MARCHF10: variants seen among roughly 807,000 people sequenced by gnomAD.
MARCHF10 encodes membrane associated ring-CH-type finger 10.
In MARCHF10, 64 loss-of-function variants were observed where a neutral mutation model predicts 76.2. The ratio of observed to expected loss-of-function variants is 0.84; its 90% CI spans 0.69 to 1.03. MARCHF10 has a LOEUF of 1.03. Ranked by LOEUF, MARCHF10 falls within the 50% of genes least tolerant of loss-of-function variation. The probability of loss-of-function intolerance (pLI) is 0.00; values close to 1 mark genes in which losing one functional copy is unlikely to be tolerated. For synonymous variants in MARCHF10, 340 were observed against 357.5 expected (o/e 0.95, Z 0.55); for missense variants, 875 against 958.0 (o/e 0.91, Z 1.14).
intron 8 of MARCHF10, among the ~76,000 whole-genome samples, chr17:62,715,043 G>A (rs752981336): frequency 1.3e-5 from 2 of 152,158 alleles, no homozygotes; most frequent in Non-Finnish European, 2.9e-5. Context: ...CACCGCGCCT[G>A]GCCTCACTGC....
intron 5 of MARCHF10, among the ~76,000 whole-genome samples, chr17:62,741,858 C>A (rs2091519632): frequency 6.6e-6 from 1 of 151,708 alleles, no homozygotes; most frequent in African/African-American, 2.4e-5. Flanking sequence ...CCACGCCTGG[C>A]TAATTTTTTT....
intron 8 of MARCHF10, among the ~76,000 whole-genome samples, chr17:62,722,129 A>G (rs1180742604): frequency 6.6e-6 from 1 of 152,106 alleles, no homozygotes; most frequent in Non-Finnish European, 1.5e-5. Flanking sequence ...CTAAAAATAC[A>G]AAAATTAGGT....
chr17:62,746,906 C>G, intron 4 of MARCHF10: 1 of 1,536,110 alleles, frequency 6.5e-7, no homozygotes, highest in Non-Finnish European at 8.7e-7. Context: ...ACCTTTCTTC[C>G]CCAGACTGCA....
Position 62,807,700 on chromosome 17 carries a change from C to G in MARCHF10, c.-18+377G>C, listed in dbSNP as rs143945337. ...ATCGCTTGAGCCTGGGAGGTCGAGG[C>G]TGCAGTGAGCCCTGACTGCACCGCT... On this transcript the variant is annotated intron_variant, in intron 1 of 10. Coordinates refer to ENST00000311269, the MANE Select transcript of MARCHF10 (RefSeq NM_152598.4). Among the ~76,000 whole-genome samples the G allele has an allele frequency of 5.4e-3, 822 of 152,104 alleles. 11 individuals carry two copies. The highest frequency in any genetic ancestry group is 0.019 in the African/African-American group (794 of 41,498).
intron 4 of MARCHF10, among the ~76,000 whole-genome samples, chr17:62,745,003 C>CAAAA (rs371677963): frequency 1.2e-3 from 121 of 97,870 alleles, no homozygotes; most frequent in Non-Finnish European, 1.8e-3. Flanking sequence ...GACTCCATCT[C>CAAAA]AAAAAAAAAA....
chr17:62,731,097 G>A (rs1185436732), intron 6 of MARCHF10, among the ~76,000 whole-genome samples: 1 of 152,096 alleles, frequency 6.6e-6, no homozygotes, highest in Non-Finnish European at 1.5e-5. Flanking sequence ...AGTGAGCATT[G>A]GAGTTTCTAA....
At chr17:62,782,705 A>T (rs1396129905) in intron 3 of MARCHF10, among the ~76,000 whole-genome samples, 1 of 152,104 alleles carries the variant, frequency 6.6e-6, no homozygotes, top group Non-Finnish European at 1.5e-5. Flanking sequence ...GGAATCTCCA[A>T]ACCAATCCAT....
At chr17:62,779,769 T>C (rs1419537649) in intron 3 of MARCHF10, among the ~76,000 whole-genome samples, 1 of 152,230 alleles carries the variant, frequency 6.6e-6, no homozygotes, top group Non-Finnish European at 1.5e-5. Flanking sequence ...CTTTCTGCAG[T>C]GACAGAAGTG....
intron 10 of MARCHF10, among the ~76,000 whole-genome samples, chr17:62,704,775 C>CTAAG (rs2089473493): frequency 6.6e-6 from 1 of 152,218 alleles, no homozygotes; most frequent in Admixed American, 6.5e-5. Flanking sequence ...AGCCACTGTT[C>CTAAG]TAAGGGCTTT....
intron 4 of MARCHF10, among the ~76,000 whole-genome samples, chr17:62,745,576 T>C (rs1473582365): frequency 6.6e-6 from 1 of 152,212 alleles, no homozygotes; most frequent in Non-Finnish European, 1.5e-5. Flanking sequence ...TCCTCAGGTT[T>C]ATTAGCAAAC....
Position 62,759,879 on chromosome 17 carries a change from G to C in MARCHF10, c.338C>G (p.Thr113Ser). The C allele has an allele frequency of 3.1e-6, 5 of 1,614,088 alleles. No individual in the cohort carries two copies. The highest frequency in any genetic ancestry group is 4.2e-6 in the Non-Finnish European group (5 of 1,180,024). Reference protein sequence around the residue: ...SVKQKHKSTMTVRKAEKVDPS... With the variant: ...SVKQKHKSTMSVRKAEKVDPS... Reference sequence around the variant, plus strand: ...GTCCACTTTCTCTGCTTTCCTTACAGTCATGGTACTTTTATGTTTCTGCTT... The same window carrying C: ...GTCCACTTTCTCTGCTTTCCTTACACTCATGGTACTTTTATGTTTCTGCTT... The change falls in exon 4 of 11, where the codon ACT becomes AGT. Residue 113 changes from threonine to serine, a missense_variant. Thr to Ser is a moderately conservative substitution (Grantham distance 58, BLOSUM62 1). Coordinates refer to ENST00000311269, the MANE Select transcript of MARCHF10 (RefSeq NM_152598.4).
intron 9 of MARCHF10, among the ~76,000 whole-genome samples, chr17:62,709,054 T>C (rs1171587379): frequency 6.6e-6 from 1 of 152,228 alleles, no homozygotes; most frequent in Non-Finnish European, 1.5e-5. Context: ...TTTCAACTCC[T>C]TGACAAGCTC....
rs974873496 is a variant in MARCHF10, at chr17:62,738,329, TG to T, written c.536-998del. Among the ~76,000 whole-genome samples, 2 of 152,156 alleles carry T rather than the reference TG, an allele frequency of 1.3e-5. No homozygotes were observed. Among genetic ancestry groups the T allele is most frequent in the Non-Finnish European group, 2.9e-5 (2 of 68,030 alleles). On this transcript the variant is annotated intron_variant, in intron 5 of 10. Coordinates refer to ENST00000311269, the MANE Select transcript of MARCHF10 (RefSeq NM_152598.4). The surrounding 1 kb of genome is among the most constrained non-coding windows in gnomAD (Gnocchi z 4.0). ...TGGCCTTCCGATTTCCTTGTGAAAA[TG>T]AGAATCCATTGAATTCATCGTGGTG... is the stretch of plus-strand genomic sequence containing the variant.
In MARCHF10 at chr17:62,793,495, A is replaced by ACCG. The variant is rs1214819935; in HGVS notation, c.91-4897_91-4896insCGG. Among the ~76,000 whole-genome samples the ACCG allele has an allele frequency of 1.1e-3, 113 of 102,888 alleles. 2 individuals are homozygous for ACCG. The highest frequency in any genetic ancestry group is 5.1e-3 in the African/African-American group (109 of 21,488). The allele number at this position is 102,888 out of a possible 152,430, so 67.5% of individuals were successfully genotyped here. A position where few individuals can be genotyped will look rare whatever the true frequency, so the allele number is the denominator to read the frequency against. Reference sequence around the variant, plus strand: ...CACCATCACCACCACCTCCATCACCACCACCACCTCCATCACCACCACCAC... The same window carrying ACCG: ...CACCATCACCACCACCTCCATCACCACCGCCACCACCTCCATCACCACCACCAC... On this transcript the variant is annotated intron_variant, in intron 2 of 10. Coordinates refer to ENST00000311269, the MANE Select transcript of MARCHF10 (RefSeq NM_152598.4).
chr17:62,770,761 A>C (rs1432947177), intron 3 of MARCHF10, among the ~76,000 whole-genome samples: 4 of 151,642 alleles, frequency 2.6e-5, no homozygotes, highest in Non-Finnish European at 4.4e-5. Context: ...GGCTGGTCTC[A>C]AACTCCTGAC....
rs757924030 is a variant in MARCHF10 at position 62,737,004 on chromosome 17, G to A, written c.864C>T (p.Ser288=). 35 of 1,613,984 alleles carry A rather than the reference G, an allele frequency of 2.2e-5. No individual in the cohort carries two copies. The Middle Eastern group carries it at 6.6e-4, about 30-fold the overall frequency. The change falls in exon 6 of 11, where the codon AGC becomes AGT. Residue 288 remains serine, a synonymous_variant. Coordinates refer to ENST00000311269, the MANE Select transcript of MARCHF10 (RefSeq NM_152598.4). ...ACTGGGTTTCCTCTTCAGTGTCATCGCTTTCTCTTCTGCTGTTCAATGACA... is the reference window on the plus strand; with the variant it reads ...ACTGGGTTTCCTCTTCAGTGTCATCACTTTCTCTTCTGCTGTTCAATGACA... ...SILSLNSRRE[S]DDTEEETQSE...
chr17:62,806,954 T>C (rs986392583), intron 1 of MARCHF10, among the ~76,000 whole-genome samples: 2 of 152,254 alleles, frequency 1.3e-5, no homozygotes, highest in Non-Finnish European at 1.5e-5. Context: ...CTAAAGTTAA[T>C]ATGCTGTTAA....
chr17:62,784,582 C>T (rs1452646481), intron 3 of MARCHF10, among the ~76,000 whole-genome samples: 3 of 152,132 alleles, frequency 2.0e-5, no homozygotes, highest in Admixed American at 6.5e-5. Context: ...GGAAGTCAAA[C>T]TGTCCCTGTT....
chr17:62,802,726 A>G (rs2148219110), intron 1 of MARCHF10, among the ~76,000 whole-genome samples: 1 of 152,268 alleles, frequency 6.6e-6, no homozygotes, highest in South Asian at 2.1e-4. Context: ...GACAGAGAGG[A>G]CAGCAGGTGC....
Sources: gnomAD v4.1 joint callset for allele counts (sites outside exome capture counted in the v4.1 genomes callset) on GRCh38, gnomAD v4.1.1 for gene constraint, Gnocchi (gnomAD v3.1) non-coding constraint, MANE v1.5 for transcripts, NCBI Gene and HGNC (gene_info 2026-07-23, HGNC 2026-07-21) for gene names.